Variants in KCND2 observed in about 807,000 individuals in gnomAD.
KCND2 encodes potassium voltage-gated channel subfamily D member 2.
Under a neutral mutation model 54.4 loss-of-function variants are expected in KCND2, and 16 were observed. That is an observed-to-expected ratio of 0.29 (90% CI 0.20 to 0.45). The LOEUF is 0.45. KCND2 is among the 20% of genes least tolerant of loss of function. The pLI, the probability that KCND2 is intolerant of heterozygous loss-of-function variation, is 1.00. For missense variants in KCND2, 486 were observed against 824.2 expected, an observed-to-expected ratio of 0.59 and a Z score of 5.02; for synonymous variants, 317 against 310.7, an observed-to-expected ratio of 1.02 and a Z score of -0.21.
rs867204269 is a variant in KCND2 at position 120,677,127 on chromosome 7, G to A, written c.1116-55776G>A. Among the ~76,000 whole-genome samples the A allele has an allele frequency of 4.6e-5, 7 of 152,286 alleles. No individual in the cohort carries two copies. In the Middle Eastern group the frequency reaches 0.017, roughly 370 times the overall value. Reference sequence around the variant, plus strand: ...GTGATCAGCCTGTCAGGACTTAAGAGCAGAGGGTGACTAGCACAAAGTCTT... The same window carrying A: ...GTGATCAGCCTGTCAGGACTTAAGAACAGAGGGTGACTAGCACAAAGTCTT... On this transcript the variant is annotated intron_variant, in intron 1 of 5. Coordinates refer to ENST00000331113, the MANE Select transcript of KCND2 (RefSeq NM_012281.3).
At chr7:120,601,090 C>A (rs1792807926) in intron 1 of KCND2, among the ~76,000 whole-genome samples, 1 of 151,964 alleles carries the variant, frequency 6.6e-6, no homozygotes, top group African/African-American at 2.4e-5. Flanking sequence ...TGTGCAAACC[C>A]TTATGCTAGG....
rs577329440 is a variant in KCND2 at position 120,531,124 on chromosome 7, C to T, written c.1116-201779C>T. Among the ~76,000 whole-genome samples, 1,250 of 152,148 alleles carry T rather than the reference C, an allele frequency of 8.2e-3. 17 individuals are homozygous for T. The highest frequency in any genetic ancestry group is 0.028 in the African/African-American group (1,164 of 41,504). ...GCCACAGATTTATGTTTCAACACTGCTCAGAAATCCTACTGTATTTCTCTA... is the reference window on the plus strand; with the variant it reads ...GCCACAGATTTATGTTTCAACACTGTTCAGAAATCCTACTGTATTTCTCTA... On this transcript the variant is annotated intron_variant, in intron 1 of 5. Transcript: ENST00000331113.
chr7:120,357,612 A>T (rs2116394942), intron 1 of KCND2, among the ~76,000 whole-genome samples: 1 of 152,170 alleles, frequency 6.6e-6, no homozygotes, highest in South Asian at 2.1e-4. Flanking sequence ...AAGGAAGAAA[A>T]GATCATTATT....
intron 1 of KCND2, among the ~76,000 whole-genome samples, chr7:120,556,308 T>C (rs1023010065): frequency 6.6e-6 from 1 of 152,150 alleles, no homozygotes; most frequent in South Asian, 2.1e-4. Context: ...TTGTATTAAG[T>C]GTTGGCCTGA....
intron 1 of KCND2, among the ~76,000 whole-genome samples, chr7:120,486,639 A>C (rs1247839251): frequency 6.6e-6 from 1 of 152,130 alleles, no homozygotes; most frequent in Admixed American, 6.6e-5. Flanking sequence ...CCATGCTGAA[A>C]AATGAGAAAT....
At chr7:120,727,114 T>C (rs1388174646) in intron 1 of KCND2, among the ~76,000 whole-genome samples, 1 of 152,134 alleles carries the variant, frequency 6.6e-6, no homozygotes. Context: ...CAAATGAACA[T>C]ACATTTATAC....
intron 1 of KCND2, among the ~76,000 whole-genome samples, chr7:120,489,982 A>G (rs1343073585): frequency 6.6e-6 from 1 of 152,158 alleles, no homozygotes; most frequent in Non-Finnish European, 1.5e-5. Context: ...GGGGCAAGTC[A>G]TCGTTGTCAC....
chr7:120,395,181 G>T (rs959375747), intron 1 of KCND2, among the ~76,000 whole-genome samples: 1 of 151,916 alleles, frequency 6.6e-6, no homozygotes, highest in East Asian at 1.9e-4. Flanking sequence ...TTTCAAAATC[G>T]TCATTGTATG....
intron 1 of KCND2, among the ~76,000 whole-genome samples, chr7:120,326,505 A>G (rs1175149771): frequency 6.6e-6 from 1 of 152,132 alleles, no homozygotes; most frequent in Admixed American, 6.6e-5. Flanking sequence ...GCATATTTAT[A>G]AAGTAAAATC....
At chr7:120,344,595 G>C (rs1192107044) in intron 1 of KCND2, among the ~76,000 whole-genome samples, 1 of 152,142 alleles carries the variant, frequency 6.6e-6, no homozygotes, top group Non-Finnish European at 1.5e-5. Context: ...AATCGTACTA[G>C]ATTACTAACA....
chr7:120,303,289 C>T (rs1799611093), intron 1 of KCND2, among the ~76,000 whole-genome samples: 1 of 152,066 alleles, frequency 6.6e-6, no homozygotes, highest in Non-Finnish European at 1.5e-5. Context: ...CCAAAGTTAC[C>T]TATAATTGTG....
At chr7:120,529,976 G>A (rs1791823063) in intron 1 of KCND2, among the ~76,000 whole-genome samples, 1 of 152,004 alleles carries the variant, frequency 6.6e-6, no homozygotes, top group South Asian at 2.1e-4. Flanking sequence ...AGGAGTGTGA[G>A]GTGAGAGAAT....
rs796362174 is a variant in KCND2, at chr7:120,578,060, G to C, written c.1116-154843G>C. ...AGAAGAAGGAGAAGAAGAAGAAGAA[G>C]AAGAACAAGAAGGAGAAGGAGAAGG... On this transcript the variant is annotated intron_variant, in intron 1 of 5. Transcript: ENST00000331113. Among the ~76,000 whole-genome samples, 128 of 147,956 alleles carry C rather than the reference G, an allele frequency of 8.7e-4. 1 individual carries two copies. The highest frequency in any genetic ancestry group is 6.9e-3 in the Middle Eastern group (2 of 290).
chr7:120,566,898 C>A (rs540735149), intron 1 of KCND2, among the ~76,000 whole-genome samples: 2 of 151,750 alleles, frequency 1.3e-5, no homozygotes, highest in South Asian at 4.2e-4. Context: ...ACGTTTATAC[C>A]TAAAACTCTC....
At chr7:120,431,976 T>C (rs1376469661) in intron 1 of KCND2, among the ~76,000 whole-genome samples, 1 of 152,216 alleles carries the variant, frequency 6.6e-6, no homozygotes, top group Non-Finnish European at 1.5e-5. Context: ...CGATGAGTTC[T>C]AATTCCTAAA....
intron 1 of KCND2, among the ~76,000 whole-genome samples, chr7:120,724,917 A>T (rs1168185861): frequency 1.3e-5 from 2 of 152,190 alleles, no homozygotes; most frequent in African/African-American, 4.8e-5. Context: ...TTTTGAACAT[A>T]AAATATTCTG....
At chr7:120,451,058 C>A (rs1452938108) in intron 1 of KCND2, among the ~76,000 whole-genome samples, 2 of 152,132 alleles carry the variant, frequency 1.3e-5, no homozygotes, top group African/African-American at 2.4e-5. Flanking sequence ...TCTATTGATT[C>A]TTCCTCAAGC....
At chr7:120,742,707 G>A in intron 4 of KCND2, 105 bp downstream of exon 4, 1 of 876,108 alleles carries the variant, frequency 1.1e-6, no homozygotes, top group Admixed American at 1.8e-5. Context: ...CTGCATTACT[G>A]GAAAACATGC....
chr7:120,705,910 C>T (rs1792461204), intron 1 of KCND2, among the ~76,000 whole-genome samples: 1 of 151,982 alleles, frequency 6.6e-6, no homozygotes, highest in Non-Finnish European at 1.5e-5. Context: ...TTTCTCATTT[C>T]ACCCCTAATG....
Sources: gnomAD v4.1 joint callset for allele counts (sites outside exome capture counted in the v4.1 genomes callset) on GRCh38, gnomAD v4.1.1 for gene constraint, MANE v1.5 for transcripts, NCBI Gene and HGNC (gene_info 2026-07-23, HGNC 2026-07-21) for gene names.